PLXDC2: variants seen among roughly 807,000 people sequenced by gnomAD.
PLXDC2 encodes plexin domain-containing protein 2.
A neutral mutation model predicts 68.9 loss-of-function variants in PLXDC2; 40 were observed. The observed-to-expected ratio is 0.58, with a 90% CI of 0.45 to 0.76. The LOEUF (loss-of-function observed/expected upper bound fraction) is 0.76, where lower values mean the gene tolerates loss of function less well. PLXDC2 is among the 30% of genes least tolerant of loss of function. The probability of loss-of-function intolerance (pLI) is 0.00; values close to 1 mark genes in which losing one functional copy is unlikely to be tolerated. For synonymous variants in PLXDC2, 243 were observed against 234.2 expected (o/e 1.04, Z -0.34); for missense variants, 644 against 661.9 (o/e 0.97, Z 0.30).
At chr10:19,819,031 T>TATACACACACAC (rs1554837302) in intron 1 of PLXDC2, among the ~76,000 whole-genome samples, 2 of 147,724 alleles carry the variant, frequency 1.4e-5, no homozygotes, top group African/African-American at 2.5e-5. Flanking sequence ...AATATATGTA[T>TATACACACACAC]ACACACACAC....
At chr10:20,246,538 T>C (rs61857171) in intron 13 of PLXDC2, among the ~76,000 whole-genome samples, 81,351 of 152,072 alleles carry the variant, frequency 0.53, 21,924 homozygotes, top group Non-Finnish European at 0.56. Context: ...TTAGTAGAGA[T>C]GGGGCTTTGC....
chr10:20,198,997 A>T (rs1834881661), intron 9 of PLXDC2, among the ~76,000 whole-genome samples: 1 of 152,096 alleles, frequency 6.6e-6, no homozygotes. Flanking sequence ...TTAGCTGTAG[A>T]TTATTCATGG....
intron 1 of PLXDC2, among the ~76,000 whole-genome samples, chr10:19,827,898 C>G (rs1453331772): frequency 6.6e-6 from 1 of 152,108 alleles, no homozygotes; most frequent in Non-Finnish European, 1.5e-5. Flanking sequence ...TGACTGTGAC[C>G]TTTTTTAGTT....
At chr10:19,980,556 A>T (rs1834535518) in intron 1 of PLXDC2, among the ~76,000 whole-genome samples, 2 of 152,188 alleles carry the variant, frequency 1.3e-5, no homozygotes, top group Admixed American at 1.3e-4. Context: ...CTATGTTCTC[A>T]CATGGCATTT....
intron 1 of PLXDC2, among the ~76,000 whole-genome samples, chr10:19,983,183 C>T (rs904567220): frequency 6.6e-6 from 1 of 152,170 alleles, no homozygotes; most frequent in Non-Finnish European, 1.5e-5. Flanking sequence ...GAACGAATCA[C>T]TTGATACTTC....
chr10:20,139,606 C>A (rs2460598), intron 4 of PLXDC2, among the ~76,000 whole-genome samples: 140,348 of 152,258 alleles, frequency 0.92, 64,792 homozygotes, highest in Non-Finnish European at 0.95. Context: ...AACCAACCCA[C>A]ATGCCCATCA....
intron 1 of PLXDC2, among the ~76,000 whole-genome samples, chr10:19,916,176 T>C (rs1263547461): frequency 6.7e-6 from 1 of 149,088 alleles, no homozygotes; most frequent in Non-Finnish European, 1.5e-5. Context: ...TCACCTAGGC[T>C]GGAGTACAGT....
intron 12 of PLXDC2, among the ~76,000 whole-genome samples, chr10:20,243,326 G>A (rs1835542419): frequency 1.3e-5 from 2 of 152,072 alleles, no homozygotes; most frequent in African/African-American, 2.4e-5. Context: ...TAGGGTTGTT[G>A]GTTTGGTACT....
chr10:20,023,559 C>G lies in PLXDC2; in HGVS notation c.324+21573C>G, dbSNP rs116606842. 9.2e-3 allele frequency among the ~76,000 whole-genome samples: 1,395 copies of G among 152,146 alleles called. 25 individuals are homozygous for G. The highest frequency in any genetic ancestry group is 0.032 in the African/African-American group (1,323 of 41,488). On this transcript the variant is annotated intron_variant, in intron 2 of 13. Transcript: ENST00000377252. Reference sequence around the variant, plus strand: ...GCTCCTTTCTCTTGCTCTCTCTTGCCCTTTCTTTGCCCTTCTTCCACAGCA... The same window carrying G: ...GCTCCTTTCTCTTGCTCTCTCTTGCGCTTTCTTTGCCCTTCTTCCACAGCA...
At chr10:20,228,832 T>C (rs1319908536) in intron 12 of PLXDC2, among the ~76,000 whole-genome samples, 2 of 152,062 alleles carry the variant, frequency 1.3e-5, no homozygotes, top group Non-Finnish European at 2.9e-5. Flanking sequence ...GAGGAAGTAG[T>C]GAACAGTGTC....
intron 1 of PLXDC2, among the ~76,000 whole-genome samples, chr10:19,973,327 C>CATATATATGTGTATATATGTATATAT (rs1564644181): frequency 7.4e-6 from 1 of 135,770 alleles, no homozygotes; most frequent in African/African-American, 3.0e-5. Context: ...TATATGTATA[C>CATATATATGTGTATATATGTATATAT]ATATATATGT....
chr10:20,017,255 G>A (rs1564658076), intron 2 of PLXDC2, among the ~76,000 whole-genome samples: 1 of 152,160 alleles, frequency 6.6e-6, no homozygotes, highest in Non-Finnish European at 1.5e-5. Flanking sequence ...TGCTTCTAGG[G>A]GGGCAGGGGC....
At chr10:20,181,589 A>G (rs1457158879) in intron 9 of PLXDC2, among the ~76,000 whole-genome samples, 5 of 152,012 alleles carry the variant, frequency 3.3e-5, no homozygotes, top group Non-Finnish European at 4.4e-5. Flanking sequence ...GAAAGCAAAG[A>G]GCCTTGCAAT....
chr10:19,977,016 C>T (rs1329280315), intron 1 of PLXDC2, among the ~76,000 whole-genome samples: 2 of 151,902 alleles, frequency 1.3e-5, no homozygotes, highest in South Asian at 2.1e-4. Flanking sequence ...TCTGATCTTT[C>T]TGAGGATATT....
chr10:19,880,482 ATCTC>A (rs972894411), intron 1 of PLXDC2, among the ~76,000 whole-genome samples: 27 of 152,286 alleles, frequency 1.8e-4, no homozygotes, highest in African/African-American at 6.3e-4. Context: ...TAAATGTGCA[ATCTC>A]TCTCTTTCTC....
intron 1 of PLXDC2, among the ~76,000 whole-genome samples, chr10:19,907,694 C>A (rs1833190182): frequency 6.6e-6 from 1 of 152,330 alleles, no homozygotes; most frequent in African/African-American, 2.4e-5. Flanking sequence ...AGGAAATCAA[C>A]TTACTCCAGT....
At chr10:19,995,420 C>G (rs11011725) in intron 1 of PLXDC2, among the ~76,000 whole-genome samples, 5,376 of 152,234 alleles carry the variant, frequency 0.035, 329 homozygotes, top group African/African-American at 0.12. Context: ...TTGTCTATCC[C>G]AGACGTTCAT....
chr10:19,989,385 A>G (rs1466106214), intron 1 of PLXDC2, among the ~76,000 whole-genome samples: 1 of 152,200 alleles, frequency 6.6e-6, no homozygotes, highest in Non-Finnish European at 1.5e-5. Context: ...AGCCTCTAGT[A>G]TCAAATTAAA....
At chr10:20,273,748 G>A (rs943394635) in intron 13 of PLXDC2, among the ~76,000 whole-genome samples, 2 of 152,166 alleles carry the variant, frequency 1.3e-5, no homozygotes, top group Admixed American at 6.5e-5. Flanking sequence ...CAGGTGCAAT[G>A]GCTCACGCGT....
Sources: gnomAD v4.1 joint callset for allele counts (sites outside exome capture counted in the v4.1 genomes callset) on GRCh38, gnomAD v4.1.1 for gene constraint, MANE v1.5 for transcripts, NCBI Gene and HGNC (gene_info 2026-07-23, HGNC 2026-07-21) for gene names.